Variants in CSNK2A2IP observed in about 807,000 individuals in gnomAD.
CSNK2A2IP encodes the protein casein kinase 2 subunit alpha' interacting protein.
chr3:88,465,330 T>C, the CSNK2A2IP span: 1 of 1,226,110 alleles, frequency 8.2e-7, no homozygotes, highest in Non-Finnish European at 1.0e-6. Context: ...GCCAACTGCT[T>C]TTAAAAAGAC....
chr3:88,440,130 G>A, the CSNK2A2IP span, among the ~76,000 whole-genome samples: 2 of 152,082 alleles, frequency 1.3e-5, no homozygotes, highest in East Asian at 3.8e-4. Context: ...AAGTTAAATA[G>A]TTTGTGCTAT....
chr3:88,436,420 T>A, the CSNK2A2IP span, among the ~76,000 whole-genome samples: 1 of 152,128 alleles, frequency 6.6e-6, no homozygotes, highest in Non-Finnish European at 1.5e-5. Context: ...AAATTAATTT[T>A]TTTTGTAAGA....
the CSNK2A2IP span, among the ~76,000 whole-genome samples, chr3:88,463,182 C>T: frequency 0.017 from 2,636 of 151,498 alleles, 32 homozygotes; most frequent in Non-Finnish European, 0.023. Flanking sequence ...AGTCATGGAA[C>T]TTCTCATTCT....
the CSNK2A2IP span, among the ~76,000 whole-genome samples, chr3:88,438,216 A>C: frequency 3.9e-5 from 6 of 152,206 alleles, no homozygotes; most frequent in Non-Finnish European, 5.9e-5. Context: ...ATTACATAAA[A>C]TAATCATCCA....
chr3:88,358,540 T>G, the CSNK2A2IP span, among the ~76,000 whole-genome samples: 2 of 152,054 alleles, frequency 1.3e-5, no homozygotes, highest in Admixed American at 1.3e-4. Context: ...TTTTTTTTAA[T>G]CATGAAAGGG....
At chr3:88,400,554 T>C in the CSNK2A2IP span, among the ~76,000 whole-genome samples, 1 of 152,170 alleles carries the variant, frequency 6.6e-6, no homozygotes, top group African/African-American at 2.4e-5. Flanking sequence ...TCTAATTGTA[T>C]AGGTCTTTAA....
chr3:88,339,188 A>T, the CSNK2A2IP span, among the ~76,000 whole-genome samples: 1 of 151,958 alleles, frequency 6.6e-6, no homozygotes, highest in Non-Finnish European at 1.5e-5. Context: ...ACCCATTAAC[A>T]ATCCTCACTT....
chr3:88,425,221 G>GTTGAC, the CSNK2A2IP span, among the ~76,000 whole-genome samples: 16 of 151,968 alleles, frequency 1.1e-4, no homozygotes, highest in East Asian at 2.9e-3. Context: ...AAATAATAAG[G>GTTGAC]TTGACTTATA....
chr3:88,432,086 G>T, the CSNK2A2IP span, among the ~76,000 whole-genome samples: 1 of 151,754 alleles, frequency 6.6e-6, no homozygotes, highest in Non-Finnish European at 1.5e-5. Flanking sequence ...TTGTTTTTTA[G>T]ACACTTGAGC....
At chr3:88,439,020 TTG>T in the CSNK2A2IP span, among the ~76,000 whole-genome samples, 1 of 152,196 alleles carries the variant, frequency 6.6e-6, no homozygotes, top group African/African-American at 2.4e-5. Flanking sequence ...TCTAGCCTGA[TTG>T]CGTCTCTAGC....
the CSNK2A2IP span, among the ~76,000 whole-genome samples, chr3:88,377,681 T>A: frequency 6.6e-6 from 1 of 151,884 alleles, no homozygotes; most frequent in Non-Finnish European, 1.5e-5. Flanking sequence ...ACAAATCTTA[T>A]AACACAGTCA....
the CSNK2A2IP span, among the ~76,000 whole-genome samples, chr3:88,390,298 G>A: frequency 3.3e-5 from 5 of 152,254 alleles, no homozygotes; most frequent in East Asian, 9.7e-4. Flanking sequence ...TAAGCATTAA[G>A]CATTTTGGTA....
the CSNK2A2IP span, among the ~76,000 whole-genome samples, chr3:88,422,905 G>C: frequency 6.6e-6 from 1 of 152,130 alleles, no homozygotes; most frequent in African/African-American, 2.4e-5. Flanking sequence ...ACTGTGTACA[G>C]TTTTAGTATA....
the CSNK2A2IP span, among the ~76,000 whole-genome samples, chr3:88,450,712 A>G: frequency 6.6e-6 from 1 of 152,032 alleles, no homozygotes; most frequent in Non-Finnish European, 1.5e-5. Context: ...TTTAAGTTTT[A>G]GGGTACATGT....
chr3:88,451,977 T>G, the CSNK2A2IP span, among the ~76,000 whole-genome samples: 1 of 152,110 alleles, frequency 6.6e-6, no homozygotes, highest in Non-Finnish European at 1.5e-5. Flanking sequence ...GCCTTTAAGA[T>G]TTTAGAAAAC....
the CSNK2A2IP span, among the ~76,000 whole-genome samples, chr3:88,430,643 A>C: frequency 6.6e-6 from 1 of 152,148 alleles, no homozygotes; most frequent in East Asian, 1.9e-4. Flanking sequence ...GCTGGTAAAA[A>C]TTTTAGAAGG....
chr3:88,435,438 G>A, the CSNK2A2IP span, among the ~76,000 whole-genome samples: 71 of 152,224 alleles, frequency 4.7e-4, no homozygotes, highest in African/African-American at 1.4e-3. Flanking sequence ...TCTCTTGGCC[G>A]TCTCTGAAAG....
At chr3:88,429,404 GGA>G in the CSNK2A2IP span, among the ~76,000 whole-genome samples, 2 of 152,108 alleles carry the variant, frequency 1.3e-5, no homozygotes, top group East Asian at 3.9e-4. Context: ...GAAGTACCTG[GGA>G]GAGTTTCCCT....
the CSNK2A2IP span, among the ~76,000 whole-genome samples, chr3:88,428,760 G>T: frequency 6.6e-6 from 1 of 152,064 alleles, no homozygotes; most frequent in African/African-American, 2.4e-5. Context: ...TGGCAAAGAA[G>T]ATAACCAAAT....
Sources: allele counts gnomAD v4.1 joint callset (sites outside exome capture counted in the v4.1 genomes callset), GRCh38; gene constraint gnomAD v4.1.1; transcripts MANE v1.5; gene names NCBI Gene and HGNC (gene_info 2026-07-23, HGNC 2026-07-21).